The following SUPT3H variants were observed in gnomAD, a reference collection of about 807,000 sequenced individuals.
SUPT3H encodes SPT3 homolog, SAGA and STAGA complex component.
SUPT3H carries 44 observed loss-of-function variants against 44.3 expected under a neutral mutation model. That is an observed-to-expected ratio of 0.99 (90% CI 0.78 to 1.28). SUPT3H has a LOEUF of 1.28. Ranked by LOEUF, SUPT3H falls within the 50% of genes most tolerant of loss-of-function variation. SUPT3H has a pLI of 0.00. For synonymous variants in SUPT3H, 124 were observed against 125.6 expected (o/e 0.99, Z 0.09); for missense variants, 380 against 387.1 (o/e 0.98, Z 0.15).
chr6:45,291,024 C>T (rs775478977), intron 2 of SUPT3H, among the ~76,000 whole-genome samples: 3 of 152,096 alleles, frequency 2.0e-5, no homozygotes, highest in African/African-American at 7.2e-5. Context: ...ACCCACAGAC[C>T]CCCTGAAGGA....
At chr6:44,919,096 A>G (rs1013592445) in intron 10 of SUPT3H, among the ~76,000 whole-genome samples, 1 of 152,204 alleles carries the variant, frequency 6.6e-6, no homozygotes, top group Non-Finnish European at 1.5e-5. Flanking sequence ...CTAACTCATC[A>G]TTTCATAAAT....
intron 3 of SUPT3H, among the ~76,000 whole-genome samples, chr6:45,051,664 G>A (rs1583264377): frequency 1.3e-5 from 2 of 152,234 alleles, no homozygotes; most frequent in Admixed American, 1.3e-4. Context: ...AGCTGCATTG[G>A]TACAGTTTAA....
intron 10 of SUPT3H, among the ~76,000 whole-genome samples, chr6:44,864,933 ATCGCATTG>A (rs943866393): frequency 6.6e-6 from 1 of 152,198 alleles, no homozygotes; most frequent in Admixed American, 6.5e-5. Flanking sequence ...CTTCTTTTAT[ATCGCATTG>A]TCAGGCTGCA....
chr6:45,339,380 C>T (rs944969624), intron 2 of SUPT3H, among the ~76,000 whole-genome samples: 1 of 152,132 alleles, frequency 6.6e-6, no homozygotes, highest in Admixed American at 6.5e-5. Flanking sequence ...AGATAGCCAA[C>T]TTTTAATACT....
intron 7 of SUPT3H, among the ~76,000 whole-genome samples, chr6:44,956,542 T>C (rs1273248451): frequency 6.9e-6 from 1 of 144,334 alleles, no homozygotes; most frequent in African/African-American, 2.6e-5. Flanking sequence ...TGGCTCAAAG[T>C]TGTAAATTTA....
intron 2 of SUPT3H, among the ~76,000 whole-genome samples, chr6:45,112,058 C>T (rs962334677): frequency 6.6e-5 from 10 of 152,186 alleles, no homozygotes; most frequent in African/African-American, 1.9e-4. Flanking sequence ...GTAACTTCTC[C>T]TGGCACCTCA....
chr6:44,890,859 C>T (rs1047379860), intron 10 of SUPT3H, among the ~76,000 whole-genome samples: 1 of 151,672 alleles, frequency 6.6e-6, no homozygotes, highest in Admixed American at 6.6e-5. Flanking sequence ...ATGGATGAAG[C>T]TAGAAACTAT....
At chr6:45,112,175 T>C (rs1228788168) in intron 2 of SUPT3H, among the ~76,000 whole-genome samples, 3 of 152,168 alleles carry the variant, frequency 2.0e-5, no homozygotes, top group African/African-American at 7.2e-5. Flanking sequence ...AATTCGTAAA[T>C]CTTAAAGACT....
Position 45,339,802 on chromosome 6 carries a change from T to G in SUPT3H, c.101+25399A>C, listed in dbSNP as rs191971227. Among the ~76,000 whole-genome samples, 557 of 152,334 alleles carry G rather than the reference T, an allele frequency of 3.7e-3. 6 individuals are homozygous for G. Among genetic ancestry groups the G allele is most frequent in the African/African-American group, 0.013 (529 of 41,592 alleles). On this transcript the variant is annotated intron_variant, in intron 2 of 10. Coordinates refer to ENST00000371459, the MANE Select transcript of SUPT3H (RefSeq NM_003599.4). ...TAGACAACATATTTTGAAAAATCAA[T>G]GTAACTAACATAGTCTATAATTTTT...
chr6:45,117,045 T>C (rs1800949928), intron 2 of SUPT3H, among the ~76,000 whole-genome samples: 1 of 152,134 alleles, frequency 6.6e-6, no homozygotes, highest in African/African-American at 2.4e-5. Flanking sequence ...CCACTTTCAA[T>C]TCTCACTTGA....
chr6:45,138,494 C>T (rs964619517), intron 2 of SUPT3H, among the ~76,000 whole-genome samples: 3 of 152,036 alleles, frequency 2.0e-5, no homozygotes, highest in African/African-American at 7.2e-5. Context: ...AAATATGGCA[C>T]GTCCATACAA....
intron 2 of SUPT3H, among the ~76,000 whole-genome samples, chr6:45,292,557 C>T (rs1337076778): frequency 6.6e-6 from 1 of 151,556 alleles, no homozygotes; most frequent in Non-Finnish European, 1.5e-5. Flanking sequence ...ACGTATCCAC[C>T]AACCAATTAT....
intron 2 of SUPT3H, among the ~76,000 whole-genome samples, chr6:45,352,139 C>T (rs6934594): frequency 0.6 from 90,826 of 151,906 alleles, 27,563 homozygotes; most frequent in African/African-American, 0.66. Context: ...AAGAAGTGTA[C>T]TGAACTACAG....
intron 6 of SUPT3H, among the ~76,000 whole-genome samples, chr6:44,971,929 C>T (rs180734306): frequency 4.0e-5 from 6 of 151,562 alleles, no homozygotes; most frequent in African/African-American, 1.4e-4. Flanking sequence ...CCTGCCACCA[C>T]ACCCGGCTAA....
chr6:45,006,556 T>A (rs551969083), intron 5 of SUPT3H, among the ~76,000 whole-genome samples: 6 of 152,186 alleles, frequency 3.9e-5, no homozygotes, highest in African/African-American at 1.4e-4. Context: ...TAGACAACAG[T>A]TTCCATTATT....
In SUPT3H at chr6:45,241,213, C is replaced by T. The variant is rs574646937; in HGVS notation, c.101+123988G>A. 1.3e-4 allele frequency among the ~76,000 whole-genome samples: 18 copies of T among 142,502 alleles called. 1 individual carries two copies. In the South Asian group the frequency reaches 3.3e-3, roughly 26 times the overall value. The allele number at this position is 142,502 out of a possible 152,430, so 93.5% of individuals were successfully genotyped here. ...GGGACATGTTGGGAACAGGCCCCCC[C>T]CCAAATCTTGCCATAAGCTGGCCCC... On this transcript the variant is annotated intron_variant, in intron 2 of 10. Coordinates refer to ENST00000371459, the MANE Select transcript of SUPT3H (RefSeq NM_003599.4).
At chr6:44,860,832 T>A (rs1351661641) in intron 10 of SUPT3H, among the ~76,000 whole-genome samples, 1 of 152,242 alleles carries the variant, frequency 6.6e-6, no homozygotes, top group East Asian at 1.9e-4. Context: ...TTAATAAGAT[T>A]AATAAGGATA....
chr6:45,154,743 G>A (rs1314411198), intron 2 of SUPT3H, among the ~76,000 whole-genome samples: 1 of 152,086 alleles, frequency 6.6e-6, no homozygotes, highest in Non-Finnish European at 1.5e-5. Flanking sequence ...TCCCCAATGA[G>A]GAAGAATATG....
chr6:44,991,191 A>G (rs1780569747), intron 6 of SUPT3H, among the ~76,000 whole-genome samples: 1 of 152,130 alleles, frequency 6.6e-6, no homozygotes, highest in Admixed American at 6.5e-5. Flanking sequence ...CTTATTATTT[A>G]TCTGAAAATT....
Sources: allele counts gnomAD v4.1 joint callset (sites outside exome capture counted in the v4.1 genomes callset), GRCh38; gene constraint gnomAD v4.1.1; transcripts MANE v1.5; gene names NCBI Gene and HGNC (gene_info 2026-07-23, HGNC 2026-07-21).